HS3ST4: variants seen among roughly 807,000 people sequenced by gnomAD.
HS3ST4 encodes heparan sulfate-glucosamine 3-sulfotransferase 4.
In HS3ST4, 17 loss-of-function variants were observed where a neutral mutation model predicts 29.2. The observed-to-expected ratio is 0.58, with a 90% confidence interval of 0.40 to 0.87. HS3ST4 has a LOEUF of 0.87. Among genes scored for constraint, HS3ST4 ranks in the 40% least tolerant of loss-of-function variants. HS3ST4 has a pLI of 0.00. For synonymous variants in HS3ST4, 314 were observed against 285.7 expected, an observed-to-expected ratio of 1.10 and a Z score of -1.00; for missense variants, 627 against 634.5, an observed-to-expected ratio of 0.99 and a Z score of 0.13.
intron 1 of HS3ST4, among the ~76,000 whole-genome samples, chr16:25,912,454 G>T (rs1429944831): frequency 1.3e-5 from 2 of 151,612 alleles, no homozygotes; most frequent in Middle Eastern, 3.4e-3. Context: ...TCACTCCTTC[G>T]AGGAGGAAGG....
At chr16:25,880,718 G>A (rs1165085801) in intron 1 of HS3ST4, among the ~76,000 whole-genome samples, 1 of 152,186 alleles carries the variant, frequency 6.6e-6, no homozygotes, top group Non-Finnish European at 1.5e-5. Context: ...AACTCATGGA[G>A]TGCTTGGGTT....
At chr16:25,866,599 G>T (rs1967697006) in intron 1 of HS3ST4, among the ~76,000 whole-genome samples, 1 of 152,148 alleles carries the variant, frequency 6.6e-6, no homozygotes. Context: ...AGTGGGAGTT[G>T]AACAATGAGA....
rs1968451270 is a variant in HS3ST4, at chr16:25,930,389, A to G, written c.735-205223A>G. On this transcript the variant is annotated intron_variant, in intron 1 of 1. Transcript: ENST00000331351. ...TTCTAAAACACTGAAGTGAAATTCA[A>G]TCTCAAAACCCATATGAGATCTGCT... Among the ~76,000 whole-genome samples, 2 of 152,212 alleles carry G rather than the reference A, an allele frequency of 1.3e-5. 1 individual carries two copies. Among genetic ancestry groups the G allele is most frequent in the South Asian group, 4.1e-4 (2 of 4,828 alleles).
intron 1 of HS3ST4, among the ~76,000 whole-genome samples, chr16:25,769,190 T>TA (rs780099670): frequency 4.6e-5 from 7 of 152,128 alleles, no homozygotes; most frequent in Non-Finnish European, 8.8e-5. Flanking sequence ...GGAATTGTGC[T>TA]ACCTCAAGAT....
intron 1 of HS3ST4, among the ~76,000 whole-genome samples, chr16:25,848,756 A>C (rs12448903): frequency 0.29 from 44,306 of 151,260 alleles, 6,914 homozygotes; most frequent in Admixed American, 0.35. Flanking sequence ...TTTCTGTTTC[A>C]TTTATTTCTG....
chr16:25,898,683 CAG>C (rs1234493211), intron 1 of HS3ST4, among the ~76,000 whole-genome samples: 1 of 152,208 alleles, frequency 6.6e-6, no homozygotes, highest in Non-Finnish European at 1.5e-5. Context: ...ATGATGAAAA[CAG>C]AACAAAACCA....
intron 1 of HS3ST4, among the ~76,000 whole-genome samples, chr16:25,762,661 G>C (rs1333558010): frequency 6.6e-6 from 1 of 151,886 alleles, no homozygotes; most frequent in African/African-American, 2.4e-5. Flanking sequence ...GAGCTCAGGA[G>C]GTTGAGATCA....
At chr16:26,124,114 T>A (rs564552315) in intron 1 of HS3ST4, among the ~76,000 whole-genome samples, 2 of 152,198 alleles carry the variant, frequency 1.3e-5, no homozygotes, top group South Asian at 4.1e-4. Flanking sequence ...GAGACGGGGT[T>A]TCTCCATGTG....
intron 1 of HS3ST4, among the ~76,000 whole-genome samples, chr16:26,060,805 C>T (rs1453017831): frequency 6.6e-6 from 1 of 152,108 alleles, no homozygotes; most frequent in Non-Finnish European, 1.5e-5. Context: ...TTTCAAGTAC[C>T]ACCCTGCGAT....
At chr16:26,040,121 A>G (rs1056621075) in intron 1 of HS3ST4, among the ~76,000 whole-genome samples, 3 of 152,304 alleles carry the variant, frequency 2.0e-5, no homozygotes, top group Admixed American at 2.0e-4. Flanking sequence ...TACTGTCTGC[A>G]TATTTACTGG....
intron 1 of HS3ST4, among the ~76,000 whole-genome samples, chr16:25,911,872 C>T (rs184373951): frequency 1.3e-5 from 2 of 152,154 alleles, no homozygotes; most frequent in Non-Finnish European, 1.5e-5. Flanking sequence ...GTCCTCAGGG[C>T]TTGCCACATA....
At chr16:25,821,101 A>G (rs566278659) in intron 1 of HS3ST4, among the ~76,000 whole-genome samples, 3 of 137,436 alleles carry the variant, frequency 2.2e-5, no homozygotes, top group African/African-American at 8.3e-5. Context: ...TCAGTCGCCC[A>G]GGCTGGAGTG....
rs141958362 is a variant in HS3ST4, at chr16:25,698,962, G to A, written c.734+5811G>A. 5.4e-3 allele frequency among the ~76,000 whole-genome samples: 827 copies of A among 152,356 alleles called. 5 individuals are homozygous for A. The highest frequency in any genetic ancestry group is 0.019 in the African/African-American group (784 of 41,588). Reference sequence around the variant, plus strand: ...TAGCTACTTTTTTCCCAATGTGCAAGTGTGGCATTGGGGTTATGAGATCTT... The same window carrying A: ...TAGCTACTTTTTTCCCAATGTGCAAATGTGGCATTGGGGTTATGAGATCTT... On this transcript the variant is annotated intron_variant, in intron 1 of 1. Coordinates refer to ENST00000331351, the MANE Select transcript of HS3ST4 (RefSeq NM_006040.3).
intron 1 of HS3ST4, among the ~76,000 whole-genome samples, chr16:25,961,343 A>G (rs1968791242): frequency 6.6e-6 from 1 of 152,222 alleles, no homozygotes; most frequent in Non-Finnish European, 1.5e-5. Flanking sequence ...ATGCTGAAAG[A>G]TGTCCATTAG....
chr16:25,819,594 T>C (rs2141632576), intron 1 of HS3ST4, among the ~76,000 whole-genome samples: 1 of 152,274 alleles, frequency 6.6e-6, no homozygotes, highest in African/African-American at 2.4e-5. Context: ...CACAGAACTG[T>C]GGTCCTGTGT....
chr16:25,855,235 ATGGGTGTGGAAGT>A (rs1567256252), intron 1 of HS3ST4, among the ~76,000 whole-genome samples: 16 of 151,990 alleles, frequency 1.1e-4, no homozygotes, highest in African/African-American at 3.9e-4. Flanking sequence ...GAAAAGGGGG[ATGGGTGTGGAAGT>A]CAAAGTTCTT....
In HS3ST4 at chr16:25,710,420, T is replaced by G. The variant is rs988667468; in HGVS notation, c.734+17269T>G. On this transcript the variant is annotated intron_variant, in intron 1 of 1. Transcript: ENST00000331351. ...TGATTAGGTCCCGGTCAATTTCCTA[T>G]GGACTTTTGATGGCTTCAGGGCTTT... is the stretch of plus-strand genomic sequence containing the variant. Among the ~76,000 whole-genome samples, 5 of 74,722 alleles carry G rather than the reference T, an allele frequency of 6.7e-5. No individual in the cohort carries two copies. The East Asian group carries it at 2.7e-3, about 40-fold the overall frequency. The allele number at this position is 74,722 out of a possible 152,430, so 49.0% of individuals were successfully genotyped here.
At chr16:25,971,512 T>C (rs2141706639) in intron 1 of HS3ST4, among the ~76,000 whole-genome samples, 1 of 152,328 alleles carries the variant, frequency 6.6e-6, no homozygotes, top group South Asian at 2.1e-4. Flanking sequence ...GAGCTCACCA[T>C]GTTTCTTGGC....
intron 1 of HS3ST4, among the ~76,000 whole-genome samples, chr16:26,129,371 G>T (rs1899388494): frequency 6.6e-6 from 1 of 152,222 alleles, no homozygotes; most frequent in Non-Finnish European, 1.5e-5. Flanking sequence ...TCAGGCAGTA[G>T]CCAAGAGCTT....
Sources: allele counts gnomAD v4.1 joint callset (sites outside exome capture counted in the v4.1 genomes callset), GRCh38; gene constraint gnomAD v4.1.1; transcripts MANE v1.5; gene names NCBI Gene and HGNC (gene_info 2026-07-23, HGNC 2026-07-21).